The following CDC73 variants were observed in gnomAD, a reference collection of about 807,000 sequenced individuals.
CDC73 encodes the protein parafibromin.
Under a neutral mutation model 83.7 loss-of-function variants are expected in CDC73, and 21 were observed. The observed-to-expected ratio is 0.25, with a 90% CI of 0.18 to 0.36. The LOEUF (loss-of-function observed/expected upper bound fraction) is 0.36, where lower values mean the gene tolerates loss of function less well. Ranked by LOEUF, CDC73 falls within the 10% of genes least tolerant of loss-of-function variation. The pLI, the probability that CDC73 is intolerant of heterozygous loss-of-function variation, is 1.00. For missense variants in CDC73, 342 were observed against 653.3 expected, an observed-to-expected ratio of 0.52 and a Z score of 5.19; for synonymous variants, 224 against 212.9, an observed-to-expected ratio of 1.05 and a Z score of -0.45.
rs1678023604 is a variant in CDC73 at position 193,250,219 on chromosome 1, C to A, written c.1559+348C>A. Among the ~76,000 whole-genome samples the A allele has an allele frequency of 2.6e-5, 4 of 151,890 alleles. No homozygotes were observed. The South Asian group carries it at 8.3e-4, about 32-fold the overall frequency. On this transcript the variant is annotated intron_variant, in intron 16 of 16. Transcript: ENST00000367435. ...GTGTTTTTTGCAAGTACTGAAAGAT[C>A]TATGATTCTGGATTTATTTGTGTTA...
chr1:193,205,204 C>A (rs945789310), intron 11 of CDC73, among the ~76,000 whole-genome samples: 3 of 122,382 alleles, frequency 2.5e-5, no homozygotes, highest in Admixed American at 7.9e-5. Context: ...GTCCCCCCCC[C>A]CCCCTTTTTT....
chr1:193,247,298 G>A (rs1472275079), intron 15 of CDC73, among the ~76,000 whole-genome samples: 1 of 151,842 alleles, frequency 6.6e-6, no homozygotes, highest in Non-Finnish European at 1.5e-5. Context: ...ATTGTTTTGG[G>A]CACCACAAAC....
chr1:193,238,586 A>G (rs1677803847), intron 15 of CDC73, among the ~76,000 whole-genome samples: 1 of 152,206 alleles, frequency 6.6e-6, no homozygotes, highest in Non-Finnish European at 1.5e-5. Flanking sequence ...GGACCCTTCA[A>G]TATCATGCAG....
intron 2 of CDC73, among the ~76,000 whole-genome samples, chr1:193,127,418 T>C (rs1257473175): frequency 6.6e-6 from 1 of 151,976 alleles, no homozygotes; most frequent in African/African-American, 2.4e-5. Context: ...ATGTTACATA[T>C]TTAAAAAAAT....
At chr1:193,197,437 A>G (rs951852735) in intron 10 of CDC73, among the ~76,000 whole-genome samples, 1 of 151,574 alleles carries the variant, frequency 6.6e-6, no homozygotes, top group African/African-American at 2.4e-5. Context: ...AGCTGAAAAT[A>G]CACAGACAGA....
At chr1:193,186,713 G>A (rs1409713764) in intron 10 of CDC73, 2 of 152,088 alleles carry the variant, frequency 1.3e-5, no homozygotes, top group Non-Finnish European at 2.9e-5. Context: ...AAAACCTAAG[G>A]TAGGGAGAAG....
intron 10 of CDC73, among the ~76,000 whole-genome samples, chr1:193,171,305 G>A (rs1676515204): frequency 6.6e-6 from 1 of 152,190 alleles, no homozygotes. Flanking sequence ...TTCTCTTACA[G>A]TTCTGTAAAT....
intron 13 of CDC73, among the ~76,000 whole-genome samples, chr1:193,232,235 T>C (rs1049399297): frequency 2.0e-5 from 3 of 151,306 alleles, no homozygotes; most frequent in Admixed American, 6.6e-5. Flanking sequence ...AAGCATAAAA[T>C]CTTAAAAAAA....
chr1:193,141,134 G>A (rs924200482), intron 6 of CDC73: 1 of 152,084 alleles, frequency 6.6e-6, no homozygotes. Flanking sequence ...TTTGTCTACT[G>A]TTATTAAGGT....
intron 13 of CDC73, among the ~76,000 whole-genome samples, chr1:193,222,851 A>T (rs527761163): frequency 7.1e-6 from 1 of 140,206 alleles, no homozygotes; most frequent in Admixed American, 7.9e-5. Flanking sequence ...AGACCTTCTC[A>T]TTCTATCTTC....
rs1238166855 is a variant in CDC73, at chr1:193,241,207, A to G, written c.1417+4851A>G. 4.6e-5 allele frequency among the ~76,000 whole-genome samples: 7 copies of G among 151,908 alleles called. No individual in the cohort carries two copies. The East Asian group carries it at 1.4e-3, about 29-fold the overall frequency. ...CCCCGAAGATGTACCTATGATTTTGATTGGGTGGGGCACTTTGGCTTTGGT... is the reference window on the plus strand; with the variant it reads ...CCCCGAAGATGTACCTATGATTTTGGTTGGGTGGGGCACTTTGGCTTTGGT... On this transcript the variant is annotated intron_variant, in intron 15 of 16. Transcript: ENST00000367435.
At chr1:193,250,311 G>A (rs1007557351) in intron 16 of CDC73, among the ~76,000 whole-genome samples, 15 of 151,738 alleles carry the variant, frequency 9.9e-5, no homozygotes, top group African/African-American at 3.4e-4. Context: ...TGTTCATAAA[G>A]CCCTTTACAT....
rs568265805 is a variant in CDC73 at position 193,133,152 on chromosome 1, C to T, written c.308-2239C>T. ...TCCTGACCTTGTGATCTGCCTGCCT[C>T]GGCCTCCCAAAGTGCTGGGATTACA... is the stretch of plus-strand genomic sequence containing the variant. On this transcript the variant is annotated intron_variant, in intron 3 of 16. Coordinates refer to ENST00000367435, the MANE Select transcript of CDC73 (RefSeq NM_024529.5). Among the ~76,000 whole-genome samples, 5 of 151,932 alleles carry T rather than the reference C, an allele frequency of 3.3e-5. No homozygotes were observed. In the South Asian group the frequency reaches 6.2e-4, roughly 19 times the overall value.
intron 10 of CDC73, among the ~76,000 whole-genome samples, chr1:193,201,500 C>G (rs984286789): frequency 6.6e-6 from 1 of 152,116 alleles, no homozygotes; most frequent in Non-Finnish European, 1.5e-5. Flanking sequence ...ACAGCTAGCT[C>G]TAGTCTGTAA....
intron 13 of CDC73, among the ~76,000 whole-genome samples, chr1:193,228,880 A>G (rs1256523758): frequency 6.6e-6 from 1 of 152,200 alleles, no homozygotes; most frequent in East Asian, 1.9e-4. Context: ...TTCATTGCAC[A>G]TTTGTAACAG....
intron 15 of CDC73, among the ~76,000 whole-genome samples, chr1:193,248,445 G>GC (rs1677989874): frequency 6.6e-6 from 1 of 152,030 alleles, no homozygotes; most frequent in South Asian, 2.1e-4. Flanking sequence ...CTATTCCTCA[G>GC]CCCATAGATC....
At chr1:193,236,056 C>G (rs1677752406) in intron 14 of CDC73, among the ~76,000 whole-genome samples, 200 bp from the exon 15 acceptor site, 1 of 152,144 alleles carries the variant, frequency 6.6e-6, no homozygotes, top group South Asian at 2.1e-4. Flanking sequence ...AGAAGTATAG[C>G]AATCATTAAT....
At chr1:193,186,338 T>G (rs1194990643) in intron 10 of CDC73, 1 of 152,466 alleles carries the variant, frequency 6.6e-6, no homozygotes, top group Non-Finnish European at 1.5e-5. Context: ...CATTGAAGCT[T>G]TTTACATCTG....
chr1:193,210,952 G>T (rs780218488), intron 11 of CDC73, among the ~76,000 whole-genome samples: 3 of 152,160 alleles, frequency 2.0e-5, no homozygotes, highest in Non-Finnish European at 4.4e-5. Context: ...TTCCAAAATG[G>T]TTAAGCGTAT....
Sources: allele counts gnomAD v4.1 joint callset (sites outside exome capture counted in the v4.1 genomes callset), GRCh38; gene constraint gnomAD v4.1.1; transcripts MANE v1.5; gene names NCBI Gene and HGNC (gene_info 2026-07-23, HGNC 2026-07-21).